EEIG1: variants seen among roughly 807,000 people sequenced by gnomAD.
EEIG1 encodes estrogen-induced osteoclastogenesis regulator 1, also known as early estrogen-induced gene 1 protein.
At chr9:127,952,331 G>A in the EEIG1 span, among the ~76,000 whole-genome samples, 2 of 152,232 alleles carry the variant, frequency 1.3e-5, no homozygotes, top group African/African-American at 4.8e-5. Context: ...TCGGGTGAGA[G>A]GTGAGGCGAA....
At chr9:127,952,800 C>A in the EEIG1 span, among the ~76,000 whole-genome samples, 8 of 152,180 alleles carry the variant, frequency 5.3e-5, no homozygotes, top group African/African-American at 1.9e-4. Context: ...GTAACCTCCA[C>A]CCTCCCGGGT....
chr9:127,975,484 G>A, the EEIG1 span, among the ~76,000 whole-genome samples: 13 of 152,176 alleles, frequency 8.5e-5, no homozygotes, highest in South Asian at 1.9e-3. Context: ...CCCCCTCCCC[G>A]TTCTGGCCCA....
At chr9:127,980,330 G>A in the EEIG1 span, 10 of 563,858 alleles carry the variant, frequency 1.8e-5, no homozygotes, top group Non-Finnish European at 3.1e-5. Flanking sequence ...GGGCCGGCGG[G>A]CTTCACCCTC....
chr9:127,976,996 G>A, the EEIG1 span, among the ~76,000 whole-genome samples: 18 of 151,938 alleles, frequency 1.2e-4, no homozygotes, highest in Admixed American at 1.3e-4. The surrounding 1 kb of genome is among the most constrained non-coding windows in gnomAD (Gnocchi z 4.1). Context: ...GCAGTCCAGG[G>A]TGGGTGGGGT....
chr9:127,976,029 C>T, the EEIG1 span, among the ~76,000 whole-genome samples: 1 of 152,242 alleles, frequency 6.6e-6, no homozygotes, highest in Non-Finnish European at 1.5e-5. This position sits in a 1 kb window ranked among gnomAD's most constrained non-coding sequence, Gnocchi z 4.1. Flanking sequence ...CCTGAAAGGT[C>T]CTGGGGACAC....
At chr9:127,945,390 C>T in the EEIG1 span, 2 of 1,587,348 alleles carry the variant, frequency 1.3e-6, no homozygotes, top group Non-Finnish European at 1.7e-6. The surrounding 1 kb of genome is among the most constrained non-coding windows in gnomAD (Gnocchi z 6.5). Flanking sequence ...CGGACAGATG[C>T]AGGGGCCGGG....
the EEIG1 span, chr9:127,948,100 G>A: frequency 6.2e-7 from 1 of 1,612,788 alleles, no homozygotes; most frequent in Non-Finnish European, 8.5e-7. Context: ...CCGAGCCTTG[G>A]GGGGCCGGGA....
the EEIG1 span, among the ~76,000 whole-genome samples, chr9:127,950,177 G>A: frequency 1.3e-5 from 2 of 152,350 alleles, no homozygotes; most frequent in East Asian, 3.9e-4. Context: ...CACTGCAGGT[G>A]CTTGCCAAAC....
the EEIG1 span, among the ~76,000 whole-genome samples, chr9:127,960,147 G>A: frequency 3.3e-5 from 5 of 152,320 alleles, no homozygotes; most frequent in South Asian, 1.0e-3. Flanking sequence ...GGGGGTTAGG[G>A]ATGGCCCTTA....
chr9:127,955,785 G>C, the EEIG1 span, among the ~76,000 whole-genome samples: 2 of 152,228 alleles, frequency 1.3e-5, no homozygotes, highest in East Asian at 3.8e-4. Flanking sequence ...GCCCCCTCCA[G>C]GCTCCACAAG....
chr9:127,948,023 C>G, the EEIG1 span: 2 of 1,573,316 alleles, frequency 1.3e-6, no homozygotes, highest in Non-Finnish European at 1.7e-6. Flanking sequence ...TGGAGGTAAA[C>G]CCCTCGGGCC....
chr9:127,970,978 C>T, the EEIG1 span, among the ~76,000 whole-genome samples: 1 of 152,218 alleles, frequency 6.6e-6, no homozygotes, highest in African/African-American at 2.4e-5. Flanking sequence ...CTCCAGGGCC[C>T]AGCCTGAGCC....
chr9:127,967,223 C>T, the EEIG1 span, among the ~76,000 whole-genome samples: 18 of 152,264 alleles, frequency 1.2e-4, no homozygotes, highest in African/African-American at 4.3e-4. Context: ...TGGGAAAAGG[C>T]CCCCCAGCAG....
chr9:127,966,851 G>A, the EEIG1 span, among the ~76,000 whole-genome samples: 1 of 152,190 alleles, frequency 6.6e-6, no homozygotes, highest in African/African-American at 2.4e-5. Flanking sequence ...CCAGGCAGTC[G>A]CTGCAGGTCA....
chr9:127,950,617 G>T, the EEIG1 span: 5 of 1,566,430 alleles, frequency 3.2e-6, no homozygotes, highest in South Asian at 5.8e-5. Flanking sequence ...AGGGTAACTT[G>T]GCAAAAGTTG....
At chr9:127,945,452 G>A in the EEIG1 span, 2 of 1,562,746 alleles carry the variant, frequency 1.3e-6, no homozygotes, top group Non-Finnish European at 8.7e-7. This position sits in a 1 kb window ranked among gnomAD's most constrained non-coding sequence, Gnocchi z 6.5. Context: ...CTGCCCTCAG[G>A]GCCCTCCACG....
the EEIG1 span, chr9:127,942,840 C>CCGCT: frequency 2.9e-6 from 1 of 344,544 alleles, no homozygotes; most frequent in South Asian, 3.0e-5. Context: ...CATTTAGGAG[C>CCGCT]CGCTGCATGT....
chr9:127,949,903 C>T, the EEIG1 span, among the ~76,000 whole-genome samples: 4 of 152,226 alleles, frequency 2.6e-5, no homozygotes, highest in South Asian at 6.2e-4. Context: ...CCGGGGCCCT[C>T]AGCAGCCATC....
the EEIG1 span, among the ~76,000 whole-genome samples, chr9:127,976,971 C>T: frequency 7.2e-6 from 1 of 139,748 alleles, no homozygotes; most frequent in Non-Finnish European, 1.6e-5. This position sits in a 1 kb window ranked among gnomAD's most constrained non-coding sequence, Gnocchi z 4.1. Flanking sequence ...GACTGTGAAG[C>T]GGGGTTCCCA....
Sources: gnomAD v4.1 joint callset for allele counts (sites outside exome capture counted in the v4.1 genomes callset) on GRCh38, gnomAD v4.1.1 for gene constraint, Gnocchi (gnomAD v3.1) non-coding constraint, MANE v1.5 for transcripts, NCBI Gene and HGNC (gene_info 2026-07-23, HGNC 2026-07-21) for gene names.